The following ASTN2 variants were observed in gnomAD, a reference collection of about 807,000 sequenced individuals.
ASTN2 encodes the protein astrotactin-2.
Under a neutral mutation model 139.8 loss-of-function variants are expected in ASTN2, and 54 were observed. The observed-to-expected ratio is 0.39, with a 90% CI of 0.31 to 0.48. ASTN2 has a LOEUF of 0.48. ASTN2 is among the 20% of genes least tolerant of loss of function. The pLI, the probability that ASTN2 is intolerant of heterozygous loss-of-function variation, is 0.95. For synonymous variants in ASTN2, 756 were observed against 719.5 expected (o/e 1.05, Z -0.81); for missense variants, 1,565 against 1,725.1 (o/e 0.91, Z 1.64).
At chr9:116,649,693 A>G (rs939600037) in intron 17 of ASTN2, among the ~76,000 whole-genome samples, 1 of 151,984 alleles carries the variant, frequency 6.6e-6, no homozygotes, top group Non-Finnish European at 1.5e-5. Context: ...TATTCTATTG[A>G]ATATATATCC....
At chr9:116,625,795 C>G (rs1856421871) in intron 17 of ASTN2, among the ~76,000 whole-genome samples, 1 of 152,096 alleles carries the variant, frequency 6.6e-6, no homozygotes, top group Non-Finnish European at 1.5e-5. Context: ...CTGAAGTGCC[C>G]TTTTTCCACT....
At chr9:117,377,783 C>G (rs956905776) in intron 1 of ASTN2, among the ~76,000 whole-genome samples, 1 of 151,732 alleles carries the variant, frequency 6.6e-6, no homozygotes, top group Non-Finnish European at 1.5e-5. Context: ...TGATATGGAT[C>G]CAAATATTCT....
chr9:117,224,083 C>T (rs1457579299), intron 2 of ASTN2, among the ~76,000 whole-genome samples: 1 of 152,166 alleles, frequency 6.6e-6, no homozygotes, highest in Non-Finnish European at 1.5e-5. Flanking sequence ...ATACTGAATT[C>T]TATAAAAATT....
At chr9:117,217,007 A>G (rs1051758530) in intron 2 of ASTN2, among the ~76,000 whole-genome samples, 1 of 152,188 alleles carries the variant, frequency 6.6e-6, no homozygotes, top group Non-Finnish European at 1.5e-5. Context: ...ATTTAATTCC[A>G]GGTCCAGCTG....
chr9:116,906,013 G>A (rs1834148693), intron 10 of ASTN2, among the ~76,000 whole-genome samples: 1 of 151,990 alleles, frequency 6.6e-6, no homozygotes, highest in Non-Finnish European at 1.5e-5. Flanking sequence ...CCTTGGAGAA[G>A]CAGCAGGTTC....
At chr9:116,480,694 G>C (rs1849139122) in intron 20 of ASTN2, among the ~76,000 whole-genome samples, 1 of 152,206 alleles carries the variant, frequency 6.6e-6, no homozygotes. Flanking sequence ...TCTAATCATG[G>C]ACCTGAAGGA....
chr9:116,963,169 G>C (rs1456319405), intron 10 of ASTN2, among the ~76,000 whole-genome samples: 1 of 152,152 alleles, frequency 6.6e-6, no homozygotes, highest in Non-Finnish European at 1.5e-5. Context: ...ATAGCAATGA[G>C]GTGCCTATGA....
At chr9:117,281,550 T>G (rs1834324476) in intron 2 of ASTN2, among the ~76,000 whole-genome samples, 1 of 152,212 alleles carries the variant, frequency 6.6e-6, no homozygotes, top group South Asian at 2.1e-4. Flanking sequence ...TGAACCTCAC[T>G]GCAAATGTGC....
chr9:117,317,075 C>T (rs1234834647), intron 1 of ASTN2, among the ~76,000 whole-genome samples: 1 of 152,004 alleles, frequency 6.6e-6, no homozygotes, highest in African/African-American at 2.4e-5. Flanking sequence ...CTCTACTTTC[C>T]CTCCCCTATC....
intron 17 of ASTN2, among the ~76,000 whole-genome samples, chr9:116,635,020 C>A (rs751100654): frequency 6.6e-6 from 1 of 152,158 alleles, no homozygotes; most frequent in Non-Finnish European, 1.5e-5. Context: ...AGTGTTCAAT[C>A]GTACTAGCTA....
intron 19 of ASTN2, among the ~76,000 whole-genome samples, chr9:116,541,017 G>A (rs1393863301): frequency 1.3e-5 from 2 of 150,418 alleles, no homozygotes; most frequent in African/African-American, 2.4e-5. Context: ...AAAAAAAAAA[G>A]CAGAAAAAAA....
chr9:117,127,818 C>A (rs1278551735), intron 4 of ASTN2, among the ~76,000 whole-genome samples: 1 of 151,410 alleles, frequency 6.6e-6, no homozygotes, highest in Non-Finnish European at 1.5e-5. Flanking sequence ...GTATCTGGGA[C>A]TACACGTGCC....
chr9:116,701,695 CAAGTA>C (rs1187732961), intron 16 of ASTN2, among the ~76,000 whole-genome samples: 1 of 152,288 alleles, frequency 6.6e-6, no homozygotes, highest in East Asian at 1.9e-4. Flanking sequence ...CCTTTTCCCT[CAAGTA>C]AAGCAGTTAT....
chr9:117,317,286 T>G (rs577760501), intron 1 of ASTN2, among the ~76,000 whole-genome samples: 1 of 152,266 alleles, frequency 6.6e-6, no homozygotes, highest in Non-Finnish European at 1.5e-5. Context: ...TGCCTCTGCC[T>G]CCTTCCGTGT....
Position 116,718,972 on chromosome 9 carries a change from G to GTATATATATA in ASTN2, c.2806+6798_2806+6799insTATATATATA, listed in dbSNP as rs373217069. ...TATTTACATATCTATACCTGTATCTGTACATATATATATATATATCTGCCT... is the reference window on the plus strand; with the variant it reads ...TATTTACATATCTATACCTGTATCTGTATATATATATACATATATATATATATATCTGCCT... On this transcript the variant is annotated intron_variant, in intron 16 of 22. Transcript: ENST00000313400. Among the ~76,000 whole-genome samples the GTATATATATA allele has an allele frequency of 7.4e-4, 74 of 100,040 alleles. 7 individuals carry two copies. The highest frequency in any genetic ancestry group is 3.3e-3 in the South Asian group (9 of 2,740). The allele number at this position is 100,040 out of a possible 152,430, so 65.6% of individuals were successfully genotyped here.
intron 15 of ASTN2, among the ~76,000 whole-genome samples, chr9:116,727,069 C>T (rs9657672): frequency 0.35 from 53,025 of 150,768 alleles, 9,641 homozygotes; most frequent in East Asian, 0.57. Flanking sequence ...AAATGGCCTC[C>T]CTATGTCCTC....
At chr9:116,913,765 C>T (rs1834374837) in intron 10 of ASTN2, among the ~76,000 whole-genome samples, 1 of 151,948 alleles carries the variant, frequency 6.6e-6, no homozygotes, top group Non-Finnish European at 1.5e-5. Context: ...GGAAGTAATA[C>T]TGTCATTAAA....
intron 16 of ASTN2, among the ~76,000 whole-genome samples, chr9:116,714,013 G>T (rs1038999349): frequency 1.3e-5 from 2 of 152,288 alleles, no homozygotes; most frequent in South Asian, 2.1e-4. Flanking sequence ...GGGTTGTTAT[G>T]AAGACAATAT....
intron 1 of ASTN2, among the ~76,000 whole-genome samples, chr9:117,334,534 C>T (rs959231658): frequency 6.6e-6 from 1 of 150,582 alleles, no homozygotes; most frequent in African/African-American, 2.5e-5. Context: ...CAAAGCCAGG[C>T]ATACTCCTTG....
Sources: gnomAD v4.1 joint callset for allele counts (sites outside exome capture counted in the v4.1 genomes callset) on GRCh38, gnomAD v4.1.1 for gene constraint, MANE v1.5 for transcripts, NCBI Gene and HGNC (gene_info 2026-07-23, HGNC 2026-07-21) for gene names.